Variants in BTRC observed in about 807,000 individuals in gnomAD.
The protein encoded by BTRC is F-box/WD repeat-containing protein 1A.
BTRC carries 42 observed loss-of-function variants against 85.5 expected under a neutral mutation model. The observed-to-expected ratio is 0.49, with a 90% CI of 0.38 to 0.64. The LOEUF (loss-of-function observed/expected upper bound fraction) is 0.64, where lower values mean the gene tolerates loss of function less well. Among genes scored for constraint, BTRC ranks in the 30% least tolerant of loss-of-function variants. The probability of loss-of-function intolerance (pLI) is 0.00; values close to 1 mark genes in which losing one functional copy is unlikely to be tolerated. For missense variants in BTRC, 594 were observed against 743.5 expected, an observed-to-expected ratio of 0.80 and a Z score of 2.34; for synonymous variants, 255 against 263.3, an observed-to-expected ratio of 0.97 and a Z score of 0.30.
chr10:101,490,579 T>G (rs1475275637), intron 4 of BTRC, among the ~76,000 whole-genome samples: 1 of 152,242 alleles, frequency 6.6e-6, no homozygotes, highest in Non-Finnish European at 1.5e-5. Context: ...TTTGGAGGCC[T>G]CTGCACCTCT....
intron 7 of BTRC, among the ~76,000 whole-genome samples, chr10:101,531,718 CA>C (rs11339443): frequency 0.38 from 56,834 of 150,304 alleles, 11,743 homozygotes; most frequent in Middle Eastern, 0.49. Context: ...GAGACTCCAT[CA>C]AAAAAAAAGA....
At chr10:101,372,736 A>C (rs886914160) in intron 1 of BTRC, among the ~76,000 whole-genome samples, 2 of 151,638 alleles carry the variant, frequency 1.3e-5, no homozygotes, top group Non-Finnish European at 2.9e-5. Flanking sequence ...ATGGTGGGGC[A>C]TGCCTGTAAT....
chr10:101,474,454 G>A (rs1945621272), intron 3 of BTRC, among the ~76,000 whole-genome samples: 1 of 152,200 alleles, frequency 6.6e-6, no homozygotes, highest in Non-Finnish European at 1.5e-5. Context: ...CCCATGAGCA[G>A]CAGCTGGAAT....
At chr10:101,376,758 T>C (rs1942799863) in intron 1 of BTRC, among the ~76,000 whole-genome samples, 1 of 152,134 alleles carries the variant, frequency 6.6e-6, no homozygotes, top group African/African-American at 2.4e-5. Context: ...GTAAAGGTGC[T>C]TTGTAGGTCA....
upstream of BTRC, chr10:101,354,080 G>C (rs926823272): frequency 1.2e-5 from 16 of 1,379,782 alleles, no homozygotes; most frequent in Non-Finnish European, 1.6e-5. Flanking sequence ...AGAGAGGGCG[G>C]GGGGAAGGAA....
chr10:101,356,436 C>T (rs1942037265), intron 1 of BTRC, among the ~76,000 whole-genome samples: 1 of 152,228 alleles, frequency 6.6e-6, no homozygotes, highest in Non-Finnish European at 1.5e-5. Flanking sequence ...TTCTCAGCTA[C>T]TTAATCTCTG....
intron 2 of BTRC, among the ~76,000 whole-genome samples, chr10:101,441,206 C>CT (rs1260407607): frequency 1.3e-5 from 2 of 152,172 alleles, no homozygotes; most frequent in African/African-American, 4.8e-5. Flanking sequence ...AGAAATGAGA[C>CT]TGAAATATGC....
At chr10:101,543,452 A>G (rs941374734) in intron 13 of BTRC, among the ~76,000 whole-genome samples, 2 of 143,876 alleles carry the variant, frequency 1.4e-5, no homozygotes, top group African/African-American at 5.1e-5. Context: ...TAGTTGGGCC[A>G]TGTTTTTTTT....
At chr10:101,492,120 C>G (rs541302819) in intron 4 of BTRC, among the ~76,000 whole-genome samples, 30 of 152,178 alleles carry the variant, frequency 2.0e-4, no homozygotes, top group African/African-American at 7.2e-4. Context: ...ACAGGAACAG[C>G]AAAATATTTC....
intron 1 of BTRC, among the ~76,000 whole-genome samples, chr10:101,401,435 T>C (rs1943489402): frequency 6.6e-6 from 1 of 152,172 alleles, no homozygotes; most frequent in Non-Finnish European, 1.5e-5. Context: ...AGATGGTTGA[T>C]TGATTTCTTT....
At chr10:101,525,953 GT>G in intron 5 of BTRC, 59 bp from the exon 6 acceptor site, 1 of 1,524,648 alleles carries the variant, frequency 6.6e-7, no homozygotes, top group East Asian at 2.3e-5. Flanking sequence ...AGGACCTTTT[GT>G]AAAAAATCAT....
intron 1 of BTRC, among the ~76,000 whole-genome samples, chr10:101,368,280 C>T (rs1590209369): frequency 6.6e-6 from 1 of 152,174 alleles, no homozygotes; most frequent in African/African-American, 2.4e-5. Flanking sequence ...TCGCCCTCCA[C>T]CGTGAGTGGA....
intron 2 of BTRC, among the ~76,000 whole-genome samples, chr10:101,433,839 C>A (rs1944460097): frequency 1.3e-5 from 2 of 152,076 alleles, no homozygotes; most frequent in South Asian, 4.2e-4. Flanking sequence ...GAGATGATGG[C>A]AGCTTGGTTT....
At chr10:101,498,451 G>A (rs775346915) in intron 4 of BTRC, among the ~76,000 whole-genome samples, 4 of 151,346 alleles carry the variant, frequency 2.6e-5, no homozygotes, top group Admixed American at 2.0e-4. Context: ...CACCACACCC[G>A]GCCTCCGAAG....
chr10:101,532,902 A>G (rs759930076), intron 8 of BTRC, 50 bp from the exon 9 acceptor site: 3 of 1,418,904 alleles, frequency 2.1e-6, no homozygotes, highest in Admixed American at 3.4e-5. Context: ...ACAAGTCTCC[A>G]CAGCACCCCA....
chr10:101,549,913 C>T (rs1157700636), intron 13 of BTRC, among the ~76,000 whole-genome samples: 2 of 151,982 alleles, frequency 1.3e-5, no homozygotes, highest in Non-Finnish European at 2.9e-5. Context: ...TGAATTTTGC[C>T]AGCTGGTTGA....
At chr10:101,469,714 A>G (rs576427709) in intron 3 of BTRC, among the ~76,000 whole-genome samples, 1 of 152,320 alleles carries the variant, frequency 6.6e-6, no homozygotes, top group African/African-American at 2.4e-5. Flanking sequence ...TAATTAAACT[A>G]TAGAATATTT....
chr10:101,380,512 C>T (rs1942902097), intron 1 of BTRC, among the ~76,000 whole-genome samples: 1 of 152,100 alleles, frequency 6.6e-6, no homozygotes, highest in Non-Finnish European at 1.5e-5. Flanking sequence ...CCTCACTTCC[C>T]AGACGGTGGG....
chr10:101,543,982 T>C (rs1175888663), intron 13 of BTRC, among the ~76,000 whole-genome samples: 1 of 152,204 alleles, frequency 6.6e-6, no homozygotes, highest in South Asian at 2.1e-4. Flanking sequence ...TGATCTTGGC[T>C]CACTGCAACC....
Sources: allele counts gnomAD v4.1 joint callset (sites outside exome capture counted in the v4.1 genomes callset), GRCh38; gene constraint gnomAD v4.1.1; transcripts MANE v1.5; gene names NCBI Gene and HGNC (gene_info 2026-07-23, HGNC 2026-07-21).